The following DLGAP1 variants were observed in gnomAD, a reference collection of about 807,000 sequenced individuals.
DLGAP1 encodes DLG associated protein 1, also known as disks large-associated protein 1.
In DLGAP1, 11 loss-of-function variants were observed where a neutral mutation model predicts 90.8. The ratio of observed to expected loss-of-function variants is 0.12; its 90% CI spans 0.08 to 0.20. DLGAP1 has a LOEUF of 0.20. Among genes scored for constraint, DLGAP1 ranks in the 10% least tolerant of loss-of-function variants. The pLI is 1.00. For synonymous variants in DLGAP1, 558 were observed against 540.7 expected, an observed-to-expected ratio of 1.03 and a Z score of -0.44; for missense variants, 1,050 against 1,333.8, an observed-to-expected ratio of 0.79 and a Z score of 3.31.
intron 7 of DLGAP1, among the ~76,000 whole-genome samples, chr18:3,706,119 C>G (rs2061426360): frequency 6.6e-6 from 1 of 151,808 alleles, no homozygotes; most frequent in Non-Finnish European, 1.5e-5. Context: ...GCCTCAGCTT[C>G]CCAAGTAACT....
At chr18:4,446,224 C>T (rs2083663757) in intron 1 of DLGAP1, among the ~76,000 whole-genome samples, 1 of 152,146 alleles carries the variant, frequency 6.6e-6, no homozygotes, top group African/African-American at 2.4e-5. Context: ...ACGTTCTAGG[C>T]ATACTCGGGT....
At chr18:4,100,662 A>C (rs897035618) in intron 2 of DLGAP1, among the ~76,000 whole-genome samples, 2 of 152,170 alleles carry the variant, frequency 1.3e-5, no homozygotes, top group Admixed American at 6.5e-5. Flanking sequence ...TTCTTCCTAT[A>C]CAATGCTGTT....
At chr18:4,087,860 TTTG>T in intron 2 of DLGAP1, among the ~76,000 whole-genome samples, 1 of 83,946 alleles carries the variant, frequency 1.2e-5, no homozygotes, top group African/African-American at 4.2e-5. Flanking sequence ...TGGGCTTTGC[TTTG>T]TTTGAGTTGA....
At chr18:4,213,209 T>A (rs2077883244) in intron 1 of DLGAP1, among the ~76,000 whole-genome samples, 1 of 152,152 alleles carries the variant, frequency 6.6e-6, no homozygotes, top group Non-Finnish European at 1.5e-5. Context: ...ACCAAGGGAT[T>A]TCATCTTTAC....
intron 2 of DLGAP1, among the ~76,000 whole-genome samples, chr18:4,011,280 G>A (rs906466059): frequency 1.1e-4 from 16 of 152,106 alleles, no homozygotes; most frequent in African/African-American, 3.4e-4. Context: ...AAGTGCCACC[G>A]GAAGGGAGAG....
At chr18:4,088,429 TTGTGTG>T (rs35217865) in intron 2 of DLGAP1, among the ~76,000 whole-genome samples, 19 of 148,454 alleles carry the variant, frequency 1.3e-4, no homozygotes, top group East Asian at 9.7e-4. Context: ...TAATTTTCCT[TTGTGTG>T]TGTGTGTGTG....
chr18:3,910,041 C>T (rs889629089), intron 3 of DLGAP1, among the ~76,000 whole-genome samples: 1 of 151,370 alleles, frequency 6.6e-6, no homozygotes, highest in Non-Finnish European at 1.5e-5. Context: ...AGCATAGGAA[C>T]AGGAAGTCAT....
chr18:4,313,548 T>C (rs767665811), intron 1 of DLGAP1, among the ~76,000 whole-genome samples: 1 of 152,140 alleles, frequency 6.6e-6, no homozygotes, highest in Non-Finnish European at 1.5e-5. Context: ...TGACAGTTCA[T>C]TGAGGGTGAA....
At chr18:4,298,785 C>T (rs12958540) in intron 1 of DLGAP1, among the ~76,000 whole-genome samples, 1 of 151,216 alleles carries the variant, frequency 6.6e-6, no homozygotes, top group African/African-American at 2.4e-5. Flanking sequence ...AAAAAAAAAG[C>T]AGCAGCAAAT....
intron 1 of DLGAP1, among the ~76,000 whole-genome samples, chr18:4,186,286 A>T (rs2077294677): frequency 6.6e-6 from 1 of 151,978 alleles, no homozygotes. Context: ...GTTTAATTAG[A>T]TCTCATTTGT....
At chr18:3,878,981 G>T in intron 4 of DLGAP1, 131 bp downstream of exon 4, 1 of 724,940 alleles carries the variant, frequency 1.4e-6, no homozygotes, top group Non-Finnish European at 2.0e-6. Flanking sequence ...GCACAGAGAT[G>T]CCGAATAATT....
At chr18:3,596,455 CG>C (rs907350181) in intron 7 of DLGAP1, 18 of 214,554 alleles carry the variant, frequency 8.4e-5, no homozygotes, top group African/African-American at 4.1e-4. Context: ...CCACCAAGCC[CG>C]GCCTGACATT....
chr18:4,115,172 T>C (rs775003706), intron 2 of DLGAP1, among the ~76,000 whole-genome samples: 20 of 152,148 alleles, frequency 1.3e-4, no homozygotes, highest in Non-Finnish European at 2.4e-4. Flanking sequence ...CTTATCAAAA[T>C]CGACTTCAGA....
Position 4,202,907 on chromosome 18 carries a change from G to A in DLGAP1, c.-266-51620C>T, listed in dbSNP as rs149277371. On this transcript the variant is annotated intron_variant, in intron 1 of 12. Transcript: ENST00000315677. ...ACAGTAAAATGATAATTTAAATCAT[G>A]TTACATTCTAGGAAGTACAGATAAA... 1.0e-3 allele frequency among the ~76,000 whole-genome samples: 159 copies of A among 152,248 alleles called. 1 individual carries two copies. The highest frequency in any genetic ancestry group is 3.4e-3 in the Middle Eastern group (1 of 294).
intron 2 of DLGAP1, among the ~76,000 whole-genome samples, chr18:4,142,392 C>A (rs1380790639): frequency 6.6e-6 from 1 of 152,064 alleles, no homozygotes; most frequent in Non-Finnish European, 1.5e-5. Context: ...CATTACCACC[C>A]AACACAATAT....
At chr18:4,071,123 C>T (rs2075440673) in intron 2 of DLGAP1, among the ~76,000 whole-genome samples, 1 of 151,980 alleles carries the variant, frequency 6.6e-6, no homozygotes, top group Middle Eastern at 3.2e-3. Flanking sequence ...TACATGTTCA[C>T]TATTATATAT....
At chr18:4,142,090 C>T (rs2076503994) in intron 2 of DLGAP1, among the ~76,000 whole-genome samples, 1 of 151,964 alleles carries the variant, frequency 6.6e-6, no homozygotes, top group African/African-American at 2.4e-5. Flanking sequence ...CTTCACAGTC[C>T]TTTTTTAAAA....
chr18:4,239,826 C>T (rs890402400), intron 1 of DLGAP1, among the ~76,000 whole-genome samples: 5 of 152,156 alleles, frequency 3.3e-5, no homozygotes, highest in African/African-American at 7.2e-5. Context: ...CTACTTTTCT[C>T]AGTGCAGATT....
At chr18:4,177,985 A>G (rs902773160) in intron 1 of DLGAP1, among the ~76,000 whole-genome samples, 2 of 152,046 alleles carry the variant, frequency 1.3e-5, no homozygotes, top group Non-Finnish European at 2.9e-5. Flanking sequence ...TTCCAGACAT[A>G]CATCCCTACC....
Sources: allele counts gnomAD v4.1 joint callset (sites outside exome capture counted in the v4.1 genomes callset), GRCh38; gene constraint gnomAD v4.1.1; transcripts MANE v1.5; gene names NCBI Gene and HGNC (gene_info 2026-07-23, HGNC 2026-07-21).